CSMD2: variants seen among roughly 807,000 people sequenced by gnomAD.
The protein encoded by CSMD2 is CUB and sushi domain-containing protein 2.
Under a neutral mutation model 398.5 loss-of-function variants are expected in CSMD2, and 130 were observed. The observed-to-expected ratio is 0.33, with a 90% CI of 0.28 to 0.38. The LOEUF is 0.38. Among genes scored for constraint, CSMD2 ranks in the 10% least tolerant of loss-of-function variants. The pLI, the probability that CSMD2 is intolerant of heterozygous loss-of-function variation, is 1.00. For synonymous variants in CSMD2, 1,828 were observed against 1,908.5 expected (o/e 0.96, Z 1.10); for missense variants, 3,829 against 4,764.9 (o/e 0.80, Z 5.78).
In CSMD2 at chr1:33,515,204, TCAG is replaced by T. The variant is rs1653659107; in HGVS notation, c.*1417_*1419del. The T allele has an allele frequency of 6.6e-6, 1 of 152,266 alleles. No homozygotes were observed. The highest frequency in any genetic ancestry group is 2.1e-4 in the South Asian group (1 of 4,834). 9.4% of individuals were successfully genotyped at this position (152,266 alleles called of 1,614,324 possible). A position where few individuals can be genotyped will look rare whatever the true frequency, so the allele number is the denominator to read the frequency against. ...GCAAGGAGCTGGAGAGGTGTGACTT[TCAG>T]CCACTCTGTTGTTTTGATTCAGGAC... On this transcript the variant is annotated 3_prime_UTR_variant, in exon 71 of 71. Coordinates refer to ENST00000373381, the MANE Select transcript of CSMD2 (RefSeq NM_001281956.2).
At chr1:33,950,253 G>T (rs1259181628) in intron 3 of CSMD2, among the ~76,000 whole-genome samples, 1 of 152,084 alleles carries the variant, frequency 6.6e-6, no homozygotes, top group East Asian at 1.9e-4. Context: ...GCTTCAGTTG[G>T]TGTCAAGCTC....
At chr1:34,100,531 T>A (rs924394270) in intron 1 of CSMD2, among the ~76,000 whole-genome samples, 1 of 152,206 alleles carries the variant, frequency 6.6e-6, no homozygotes, top group South Asian at 2.1e-4. Flanking sequence ...CATGGATGTA[T>A]CTCAATTTAT....
chr1:33,967,985 T>C (rs1343262867), intron 3 of CSMD2, among the ~76,000 whole-genome samples: 1 of 152,144 alleles, frequency 6.6e-6, no homozygotes, highest in African/African-American at 2.4e-5. Flanking sequence ...TATTCTTAGA[T>C]GCTAAAGCAT....
intron 25 of CSMD2, among the ~76,000 whole-genome samples, chr1:33,671,020 G>C (rs1644479489): frequency 6.6e-6 from 1 of 152,160 alleles, no homozygotes; most frequent in South Asian, 2.1e-4. Context: ...TGCAGGCAGA[G>C]AAAATAGGGT....
intron 5 of CSMD2, among the ~76,000 whole-genome samples, chr1:33,903,288 C>T (rs1642872165): frequency 6.6e-6 from 1 of 150,802 alleles, no homozygotes; most frequent in African/African-American, 2.4e-5. Flanking sequence ...TGAGAGAGAT[C>T]TCACATTGCA....
chr1:33,704,604 AG>A lies in CSMD2; in HGVS notation c.3577-3932del, dbSNP rs377405623. ...TCTTTTTCTTTGCTAATCTGTTTATAGGCTATTAGGTTGAGCCATGAAATTG... is the reference window on the plus strand; with the variant it reads ...TCTTTTTCTTTGCTAATCTGTTTATAGCTATTAGGTTGAGCCATGAAATTG... On this transcript the variant is annotated intron_variant, in intron 22 of 70. Coordinates refer to ENST00000373381, the MANE Select transcript of CSMD2 (RefSeq NM_001281956.2). 2.1e-4 allele frequency among the ~76,000 whole-genome samples: 32 copies of A among 152,342 alleles called. No individual in the cohort carries two copies. The East Asian group carries it at 3.7e-3, about 17-fold the overall frequency.
chr1:33,799,836 G>A (rs535562530), intron 10 of CSMD2, among the ~76,000 whole-genome samples: 1 of 152,346 alleles, frequency 6.6e-6, no homozygotes, highest in East Asian at 1.9e-4. Flanking sequence ...CTTTTGGTAT[G>A]TGGAGAAAAT....
intron 10 of CSMD2, among the ~76,000 whole-genome samples, chr1:33,801,782 G>A (rs1046080731): frequency 1.3e-5 from 2 of 152,180 alleles, no homozygotes; most frequent in African/African-American, 4.8e-5. Context: ...AGAAGGGAAG[G>A]CACACTGGGA....
chr1:33,994,417 C>A (rs1375405927), intron 3 of CSMD2, among the ~76,000 whole-genome samples: 1 of 152,026 alleles, frequency 6.6e-6, no homozygotes, highest in Admixed American at 6.5e-5. Flanking sequence ...GGCCAGCTCT[C>A]CCAATCCCAC....
At chr1:33,676,727 A>G (rs545342831) in intron 25 of CSMD2, among the ~76,000 whole-genome samples, 1 of 152,242 alleles carries the variant, frequency 6.6e-6, no homozygotes, top group East Asian at 1.9e-4. Flanking sequence ...AGGCTACAGT[A>G]ACCAAAACAG....
rs1006949968 is a variant in CSMD2 at position 33,624,878 on chromosome 1, A to G, written c.5500+173T>C. Among the ~76,000 whole-genome samples, 1 of 152,010 alleles carries G rather than the reference A, an allele frequency of 6.6e-6. No homozygotes were observed. The highest frequency in any genetic ancestry group is 2.4e-5 in the African/African-American group (1 of 41,392). Reference sequence around the variant, plus strand: ...CGTCCCCAGTACACCGGCTGTCTTCACACAGCCCACAGCGCCGGGGACTGG... The same window carrying G: ...CGTCCCCAGTACACCGGCTGTCTTCGCACAGCCCACAGCGCCGGGGACTGG... On this transcript the variant is annotated intron_variant, in intron 34 of 70. Coordinates refer to ENST00000373381, the MANE Select transcript of CSMD2 (RefSeq NM_001281956.2). The surrounding 1 kb of genome is among the most constrained non-coding windows in gnomAD (Gnocchi z 4.7).
intron 3 of CSMD2, among the ~76,000 whole-genome samples, chr1:33,988,459 A>C (rs959742214): frequency 2.6e-5 from 4 of 152,210 alleles, no homozygotes; most frequent in African/African-American, 9.6e-5. Context: ...GTCTCTGCTC[A>C]AACGCTGTCT....
At chr1:33,589,475 AAGC>A (rs1243331507) in intron 44 of CSMD2, among the ~76,000 whole-genome samples, 8 of 152,226 alleles carry the variant, frequency 5.3e-5, no homozygotes, top group Admixed American at 6.5e-5. Flanking sequence ...CTAAACAAAA[AAGC>A]AGCATTTATT....
At chr1:33,664,263 C>G (rs1644237239) in intron 25 of CSMD2, among the ~76,000 whole-genome samples, 1 of 152,024 alleles carries the variant, frequency 6.6e-6, no homozygotes, top group Non-Finnish European at 1.5e-5. Context: ...AATGAGCACG[C>G]AAATATATTG....
chr1:34,114,517 G>A (rs1661420049), intron 1 of CSMD2, among the ~76,000 whole-genome samples: 1 of 152,120 alleles, frequency 6.6e-6, no homozygotes, highest in African/African-American at 2.4e-5. Context: ...GGGCAAGATA[G>A]CAAGACCCCC....
intron 2 of CSMD2, among the ~76,000 whole-genome samples, chr1:34,085,979 TA>T: frequency 6.7e-6 from 1 of 149,208 alleles, no homozygotes; most frequent in East Asian, 2.0e-4. Flanking sequence ...TTGAATTTCT[TA>T]ATTACTGTGG....
At chr1:34,027,429 C>T (rs1451469621) in intron 3 of CSMD2, among the ~76,000 whole-genome samples, 1 of 152,142 alleles carries the variant, frequency 6.6e-6, no homozygotes, top group Non-Finnish European at 1.5e-5. Context: ...TAGAAGTGTG[C>T]GTTCGTATAA....
intron 46 of CSMD2, among the ~76,000 whole-genome samples, chr1:33,585,677 TG>T (rs1639036410): frequency 6.6e-6 from 1 of 152,238 alleles, no homozygotes; most frequent in South Asian, 2.1e-4. Context: ...CTACCAGGTC[TG>T]CTATTCCTTA....
chr1:33,647,246 G>C (rs74066672), intron 28 of CSMD2, among the ~76,000 whole-genome samples: 3 of 152,040 alleles, frequency 2.0e-5, no homozygotes, highest in Non-Finnish European at 2.9e-5. Flanking sequence ...GAGAGAATGA[G>C]CCAACTATGG....
Sources: allele counts gnomAD v4.1 joint callset (sites outside exome capture counted in the v4.1 genomes callset), GRCh38; gene constraint gnomAD v4.1.1; non-coding constraint Gnocchi (gnomAD v3.1); transcripts MANE v1.5; gene names NCBI Gene and HGNC (gene_info 2026-07-23, HGNC 2026-07-21).